The following STK32B variants were observed in gnomAD, a reference collection of about 807,000 sequenced individuals.
STK32B encodes serine/threonine kinase 32B, also known as serine/threonine-protein kinase 32B.
In STK32B, 43 loss-of-function variants were observed where a neutral mutation model predicts 52.6. That is an observed-to-expected ratio of 0.82 (90% confidence interval 0.64 to 1.05). The LOEUF (loss-of-function observed/expected upper bound fraction) is 1.05, where lower values mean the gene tolerates loss of function less well. Ranked by LOEUF, STK32B falls within the 50% of genes least tolerant of loss-of-function variation. The probability of loss-of-function intolerance (pLI) is 0.00; values close to 1 mark genes in which losing one functional copy is unlikely to be tolerated. For synonymous variants in STK32B, 238 were observed against 204.3 expected (o/e 1.17, Z -1.41); for missense variants, 621 against 534.6 (o/e 1.16, Z -1.59).
chr4:5,435,612 CA>C, intron 6 of STK32B: 1 of 152,248 alleles, frequency 6.6e-6, no homozygotes, highest in Non-Finnish European at 1.5e-5. Flanking sequence ...TGGCACACAA[CA>C]AGGGCAATAG....
intron 3 of STK32B, among the ~76,000 whole-genome samples, chr4:5,172,486 A>G (rs1047230028): frequency 2.0e-5 from 3 of 151,864 alleles, no homozygotes; most frequent in Non-Finnish European, 2.9e-5. Context: ...ATGTCCCATC[A>G]ATACCTAATT....
intron 4 of STK32B, among the ~76,000 whole-genome samples, chr4:5,332,685 C>A (rs1341646977): frequency 6.6e-6 from 1 of 152,048 alleles, no homozygotes; most frequent in Non-Finnish European, 1.5e-5. Context: ...TGTGATGTTC[C>A]CCTTCCTGTG....
chr4:5,285,462 A>T (rs1036234698), intron 3 of STK32B, among the ~76,000 whole-genome samples: 3 of 152,230 alleles, frequency 2.0e-5, no homozygotes, highest in African/African-American at 4.8e-5. Context: ...AAGCATGAAG[A>T]TAGTGAAAGA....
chr4:5,064,731 A>G (rs1742347184), intron 1 of STK32B, among the ~76,000 whole-genome samples: 1 of 93,730 alleles, frequency 1.1e-5, no homozygotes, highest in South Asian at 3.5e-4. Context: ...ATATATAAAT[A>G]TATACTTATA....
chr4:5,344,739 T>C (rs56963033), intron 4 of STK32B, among the ~76,000 whole-genome samples: 5,755 of 152,156 alleles, frequency 0.038, 329 homozygotes, highest in Admixed American at 0.16. Flanking sequence ...ATAGATTAAT[T>C]CCAAAACACT....
chr4:5,315,614 G>C (rs1301715208), intron 3 of STK32B, among the ~76,000 whole-genome samples: 2 of 151,554 alleles, frequency 1.3e-5, no homozygotes, highest in African/African-American at 4.8e-5. Context: ...AATACCTCTG[G>C]AAAGAGTAGA....
chr4:5,439,583 G>A (rs1408840911), intron 6 of STK32B, among the ~76,000 whole-genome samples: 1 of 151,326 alleles, frequency 6.6e-6, no homozygotes, highest in Non-Finnish European at 1.5e-5. Flanking sequence ...AGTTTCTTTT[G>A]CTGTGCAGAA....
At chr4:5,265,088 T>C (rs937429285) in intron 3 of STK32B, among the ~76,000 whole-genome samples, 1 of 152,210 alleles carries the variant, frequency 6.6e-6, no homozygotes, top group Non-Finnish European at 1.5e-5. Context: ...TCACATTATC[T>C]TTGTCAATGG....
intron 1 of STK32B, among the ~76,000 whole-genome samples, chr4:5,056,921 A>G (rs1252229032): frequency 2.0e-5 from 3 of 152,230 alleles, no homozygotes; most frequent in African/African-American, 7.2e-5. Flanking sequence ...AACAAAAAAC[A>G]TCCATCCCCC....
At chr4:5,174,940 A>G (rs1454615772) in intron 3 of STK32B, among the ~76,000 whole-genome samples, 8 of 152,212 alleles carry the variant, frequency 5.3e-5, no homozygotes, top group African/African-American at 1.9e-4. Flanking sequence ...CAGGTACACC[A>G]ATCAGATGTA....
rs1171678866 is a variant in STK32B at position 5,360,911 on chromosome 4, A to G, written c.434+29518A>G. ...TTTAAGAGTATTAAGTCCATTGTCA[A>G]TGCTGTGCAACCAATCTCCAGAACT... On this transcript the variant is annotated intron_variant, in intron 4 of 11. Transcript: ENST00000282908. Among the ~76,000 whole-genome samples, 12 of 152,346 alleles carry G rather than the reference A, an allele frequency of 7.9e-5. No homozygotes were observed. The South Asian group carries it at 1.5e-3, about 18-fold the overall frequency.
At chr4:5,487,911 A>T (rs938493395) in intron 11 of STK32B, among the ~76,000 whole-genome samples, 3 of 152,154 alleles carry the variant, frequency 2.0e-5, no homozygotes, top group African/African-American at 7.2e-5. Flanking sequence ...TGCTCCTTAA[A>T]ATTTATCTAG....
At chr4:5,364,370 A>G (rs572508742) in intron 4 of STK32B, among the ~76,000 whole-genome samples, 120 of 152,360 alleles carry the variant, frequency 7.9e-4, no homozygotes, top group Non-Finnish European at 1.5e-3. Flanking sequence ...GGAAAGAGAC[A>G]GATCCTGCTT....
upstream of STK32B, among the ~76,000 whole-genome samples, chr4:5,050,103 G>A (rs1741705625): frequency 6.6e-6 from 1 of 152,154 alleles, no homozygotes; most frequent in Non-Finnish European, 1.5e-5. Context: ...TTGAGCTAGG[G>A]GCCAGCTCTG....
intron 2 of STK32B, among the ~76,000 whole-genome samples, chr4:5,156,992 GA>G (rs111709719): frequency 2.4e-4 from 36 of 148,364 alleles, no homozygotes; most frequent in Non-Finnish European, 3.1e-4. Context: ...TTCAGAGTGT[GA>G]AAAAAAAAAG....
chr4:5,490,202 G>C (rs956611956), intron 11 of STK32B, among the ~76,000 whole-genome samples: 2 of 151,874 alleles, frequency 1.3e-5, no homozygotes, highest in Admixed American at 1.3e-4. Flanking sequence ...TACCTCCCGG[G>C]TTCAAGCAAT....
chr4:5,490,517 G>A (rs542187389), intron 11 of STK32B, among the ~76,000 whole-genome samples: 2 of 152,014 alleles, frequency 1.3e-5, no homozygotes, highest in African/African-American at 2.4e-5. Flanking sequence ...TATGTCAGGA[G>A]GCCTAAAAGA....
rs537329463 is a variant in STK32B at position 5,378,237 on chromosome 4, G to C, written c.435-19970G>C. Among the ~76,000 whole-genome samples the C allele has an allele frequency of 3.3e-5, 5 of 152,296 alleles. No homozygotes were observed. Among genetic ancestry groups the C allele is most frequent in the Non-Finnish European group, 7.3e-5 (5 of 68,030 alleles). ...CTTTATGAAAGACAGACGTTAGAGG[G>C]GAGGGAAGACAGGCAAGGAGGGAAC... On this transcript the variant is annotated intron_variant, in intron 4 of 11. Coordinates refer to ENST00000282908, the MANE Select transcript of STK32B (RefSeq NM_018401.3). This position sits in a 1 kb window ranked among gnomAD's most constrained non-coding sequence, Gnocchi z 4.4.
intron 3 of STK32B, among the ~76,000 whole-genome samples, chr4:5,230,488 C>T (rs1450751197): frequency 6.6e-6 from 1 of 152,098 alleles, no homozygotes; most frequent in African/African-American, 2.4e-5. Flanking sequence ...CCGCACCCGG[C>T]CACATTCCAC....
Sources: allele counts gnomAD v4.1 joint callset (sites outside exome capture counted in the v4.1 genomes callset), GRCh38; gene constraint gnomAD v4.1.1; non-coding constraint Gnocchi (gnomAD v3.1); transcripts MANE v1.5; gene names NCBI Gene and HGNC (gene_info 2026-07-23, HGNC 2026-07-21).